ATAD5: variants seen among roughly 807,000 people sequenced by gnomAD.
The protein encoded by ATAD5 is ATPase family AAA domain-containing protein 5.
ATAD5 carries 58 observed loss-of-function variants against 176.9 expected under a neutral mutation model. The observed-to-expected ratio is 0.33, with a 90% CI of 0.27 to 0.41. The LOEUF (loss-of-function observed/expected upper bound fraction) is 0.41, where lower values mean the gene tolerates loss of function less well. Among genes scored for constraint, ATAD5 ranks in the 10% least tolerant of loss-of-function variants. The pLI is 1.00. For missense variants in ATAD5, 1,789 were observed against 2,094.1 expected, an observed-to-expected ratio of 0.85 and a Z score of 2.84; for synonymous variants, 640 against 712.6, an observed-to-expected ratio of 0.90 and a Z score of 1.62.
Position 30,894,976 on chromosome 17 carries a change from T to A in ATAD5, c.*63T>A. ...TGGTCCTTAAGATACATTTTTATAT[T>A]ATGTGGATCTTCATGGAAAAGTATA... On this transcript the variant is annotated 3_prime_UTR_variant, in exon 23 of 23. Coordinates refer to ENST00000321990, the MANE Select transcript of ATAD5 (RefSeq NM_024857.5). 1 of 1,064,882 alleles carries A rather than the reference T, an allele frequency of 9.4e-7. No individual in the cohort carries two copies. Among genetic ancestry groups the A allele is most frequent in the Admixed American group, 2.7e-5 (1 of 36,542 alleles). The allele number at this position is 1,064,882 out of a possible 1,614,324, so 66.0% of individuals were successfully genotyped here.
intron 14 of ATAD5, among the ~76,000 whole-genome samples, chr17:30,871,345 T>C (rs1324836665): frequency 1.3e-5 from 2 of 151,700 alleles, no homozygotes; most frequent in Non-Finnish European, 2.9e-5. Context: ...TTCTATCATC[T>C]GTGTAATTTT....
chr17:30,860,508 A>G lies in ATAD5; in HGVS notation c.3032A>G (p.Lys1011Arg). The change falls in exon 10 of 23, where the codon AAG becomes AGG. Residue 1011 changes from lysine (K) to arginine (R), a missense_variant. Coordinates refer to ENST00000321990, the MANE Select transcript of ATAD5 (RefSeq NM_024857.5). Reference protein sequence around the residue: ...VEAENSKSKRKKPNEYSKNLE... With the variant: ...VEAENSKSKRRKPNEYSKNLE... ...GCAGAAAATTCTAAGTCAAAAAGAA[A>G]GAAACCAAATGAGTATTCAAAAAAT... 6.2e-7 allele frequency: 1 copy of G among 1,601,216 alleles called. No individual in the cohort carries two copies. Among genetic ancestry groups the G allele is most frequent in the Non-Finnish European group, 8.5e-7 (1 of 1,177,416 alleles).
Position 30,835,482 on chromosome 17 carries a change from A to G in ATAD5, c.1401A>G (p.Lys467=), listed in dbSNP as rs773145389. Residue 467 remains lysine (K), a synonymous_variant, in exon 2 of 23, where the codon AAA becomes AAG. Coordinates refer to ENST00000321990, the MANE Select transcript of ATAD5 (RefSeq NM_024857.5). Reference sequence around the variant, plus strand: ...GCAATTTACAGTTACACACTGATAAAGGAAGTTTTCTGAAGGAGAAAAATA... The same window carrying G: ...GCAATTTACAGTTACACACTGATAAGGGAAGTTTTCTGAAGGAGAAAAATA... The part of the protein sequence containing the change: ...KNGNLQLHTD[K]GSFLKEKNKK... 6.2e-7 allele frequency: 1 copy of G among 1,608,342 alleles called. No individual in the cohort carries two copies. The highest frequency in any genetic ancestry group is 8.5e-7 in the Non-Finnish European group (1 of 1,178,636).
chr17:30,878,214 C>T, intron 17 of ATAD5, 118 bp downstream of exon 17: 2 of 696,578 alleles, frequency 2.9e-6, no homozygotes, highest in South Asian at 2.0e-5. Flanking sequence ...ATTGATACTA[C>T]TTTGGGTTAC....
intron 4 of ATAD5, among the ~76,000 whole-genome samples, chr17:30,841,506 C>G (rs1425651764): frequency 2.0e-5 from 3 of 152,204 alleles, no homozygotes. Flanking sequence ...CATATACATG[C>G]ATTTCACCAT....
Position 30,853,447 on chromosome 17 carries a change from C to T in ATAD5, c.2451-1696C>T, listed in dbSNP as rs550593753. On this transcript the variant is annotated intron_variant, in intron 6 of 22. Transcript: ENST00000321990. ...AACTACAACTTTACCCATCTTCCTC[C>T]TTCCCGCCAATTAACAGTTAAAAAA... 4.3e-4 allele frequency among the ~76,000 whole-genome samples: 65 copies of T among 151,956 alleles called. No individual in the cohort carries two copies. In the South Asian group the frequency reaches 0.012, roughly 29 times the overall value.
In ATAD5 at chr17:30,835,491, T is replaced by C; in HGVS notation, c.1410T>C (p.Phe470=). The change falls in exon 2 of 23, where the codon TTT becomes TTC. Residue 470 remains phenylalanine, a synonymous_variant. Coordinates refer to ENST00000321990, the MANE Select transcript of ATAD5 (RefSeq NM_024857.5). ...AGTTACACACTGATAAAGGAAGTTTTCTGAAGGAGAAAAATAAAAAGCTAA... is the reference window on the plus strand; with the variant it reads ...AGTTACACACTGATAAAGGAAGTTTCCTGAAGGAGAAAAATAAAAAGCTAA... ...NLQLHTDKGS[F]LKEKNKKLKK... The C allele has an allele frequency of 3.1e-6, 5 of 1,607,598 alleles. No individual in the cohort carries two copies. Among genetic ancestry groups the C allele is most frequent in the African/African-American group, 1.3e-5 (1 of 74,604 alleles).
chr17:30,889,853 C>T (rs146589883), intron 19 of ATAD5, among the ~76,000 whole-genome samples: 1 of 148,068 alleles, frequency 6.8e-6, no homozygotes, highest in African/African-American at 2.5e-5. Context: ...AACATTTTAA[C>T]GTATTCTTTT....
chr17:30,837,792 C>T (rs1905845658), intron 3 of ATAD5, among the ~76,000 whole-genome samples: 2 of 152,158 alleles, frequency 1.3e-5, no homozygotes, highest in African/African-American at 4.8e-5. Flanking sequence ...CCCTCATGAC[C>T]TAATCACCTC....
chr17:30,839,115 T>G (rs1905924097), intron 3 of ATAD5, among the ~76,000 whole-genome samples: 1 of 152,152 alleles, frequency 6.6e-6, no homozygotes, highest in African/African-American at 2.4e-5. Context: ...TATTCAGGCA[T>G]GAGCCACTGT....
At chr17:30,854,884 A>G (rs1253557112) in intron 6 of ATAD5, among the ~76,000 whole-genome samples, 2 of 151,606 alleles carry the variant, frequency 1.3e-5, no homozygotes, top group Admixed American at 1.3e-4. Context: ...TCAGCCACCC[A>G]AGTAGCTTGG....
At position 30,889,920 on chromosome 17, in the gene ATAD5, C is replaced by T. The variant is rs1206060105; in HGVS notation, c.4258+2548C>T. 3.0e-5 allele frequency among the ~76,000 whole-genome samples: 3 copies of T among 99,614 alleles called. No individual in the cohort carries two copies. The East Asian group carries it at 9.2e-4, about 31-fold the overall frequency. 65.4% of individuals were successfully genotyped at this position (99,614 alleles called of 152,430 possible). On this transcript the variant is annotated intron_variant, in intron 19 of 22. Transcript: ENST00000321990. ...TTTTTTTTTTTTTGAGACAGTGTCT[C>T]ATTCTGTTGCCCAGGCTGGAGTGCA...
At chr17:30,889,038 C>T (rs1456258768) in intron 19 of ATAD5, among the ~76,000 whole-genome samples, 4 of 144,928 alleles carry the variant, frequency 2.8e-5, no homozygotes, top group Non-Finnish European at 4.5e-5. Context: ...CCAACCTGGG[C>T]GACAGAGTGA....
At chr17:30,887,474 TGG>T in intron 19 of ATAD5, 102 bp downstream of exon 19, 1 of 969,814 alleles carries the variant, frequency 1.0e-6, no homozygotes, top group Non-Finnish European at 1.5e-6. Flanking sequence ...CCCAGCACTT[TGG>T]GGGAGTGAGG....
chr17:30,862,303 C>T (rs948394082), intron 10 of ATAD5, among the ~76,000 whole-genome samples: 1 of 150,550 alleles, frequency 6.6e-6, no homozygotes, highest in African/African-American at 2.4e-5. Context: ...CACTGCACTC[C>T]AGCCCAGGAG....
intron 14 of ATAD5, among the ~76,000 whole-genome samples, chr17:30,874,192 T>G (rs1345170779): frequency 2.0e-5 from 3 of 150,528 alleles, no homozygotes; most frequent in African/African-American, 7.3e-5. Flanking sequence ...AAAACCAGTC[T>G]TTGGACTGGT....
intron 11 of ATAD5, among the ~76,000 whole-genome samples, chr17:30,866,852 G>C (rs1908019535): frequency 6.6e-6 from 1 of 152,034 alleles, no homozygotes; most frequent in Admixed American, 6.6e-5. Flanking sequence ...CAACTTAAAT[G>C]ATTATGGGTG....
At chr17:30,857,942 A>C (rs1216537558) in intron 8 of ATAD5, among the ~76,000 whole-genome samples, 1 of 152,094 alleles carries the variant, frequency 6.6e-6, no homozygotes, top group African/African-American at 2.4e-5. Flanking sequence ...GGGTTTTGCC[A>C]TGTTGGCTAG....
rs1230198290 is a variant in ATAD5, at chr17:30,834,249, A to G, written c.168A>G (p.Pro56=). The G allele has an allele frequency of 3.1e-6, 5 of 1,613,232 alleles. No individual in the cohort carries two copies. Among genetic ancestry groups the G allele is most frequent in the African/African-American group, 1.3e-5 (1 of 74,984 alleles). ...AGACTAGAGACAGGGTTTTTGCTCC[A>G]CCAAAACCTAGTAATATTCTGGATT... The part of the protein sequence containing the change: ...LGKTRDRVFA[P]PKPSNILDYF... Residue 56 remains proline (P), a synonymous_variant, in exon 2 of 23, where the codon CCA becomes CCG. Transcript: ENST00000321990.
Sources: gnomAD v4.1 joint callset for allele counts (sites outside exome capture counted in the v4.1 genomes callset) on GRCh38, gnomAD v4.1.1 for gene constraint, MANE v1.5 for transcripts, NCBI Gene and HGNC (gene_info 2026-07-23, HGNC 2026-07-21) for gene names.